Variants in MBD5 observed in about 807,000 individuals in gnomAD.
MBD5 encodes the protein methyl-CpG binding domain protein 5.
Under a neutral mutation model 117.3 loss-of-function variants are expected in MBD5, and 13 were observed. The ratio of observed to expected loss-of-function variants is 0.11; its 90% confidence interval spans 0.07 to 0.18. MBD5 has a LOEUF of 0.18. MBD5 is among the 10% of genes least tolerant of loss of function. MBD5 has a pLI of 1.00. For missense variants in MBD5, 1,879 were observed against 2,093.8 expected (o/e 0.90, Z 2.00); for synonymous variants, 727 against 766.4 (o/e 0.95, Z 0.85).
chr2:148,386,499 A>T (rs576400215), intron 4 of MBD5, among the ~76,000 whole-genome samples: 2 of 151,942 alleles, frequency 1.3e-5, no homozygotes, highest in African/African-American at 4.8e-5. Context: ...CGGGCGGATC[A>T]CGAGGTCAGG....
chr2:148,422,947 C>A (rs886403223), intron 4 of MBD5, among the ~76,000 whole-genome samples: 1 of 152,144 alleles, frequency 6.6e-6, no homozygotes, highest in African/African-American at 2.4e-5. Context: ...GACCAAATCT[C>A]TGCTTGATTA....
chr2:148,064,143 T>TTTTTTA (rs1240615374), intron 1 of MBD5, among the ~76,000 whole-genome samples: 1 of 145,846 alleles, frequency 6.9e-6, no homozygotes, highest in African/African-American at 2.5e-5. Context: ...TTTTTTTTTT[T>TTTTTTA]GAGACAGAGC....
rs992673818 is a variant in MBD5, at chr2:148,021,676, G to A, written c.-933G>A. On this transcript the variant is annotated 5_prime_UTR_variant, in exon 1 of 14. Coordinates refer to ENST00000642680, the MANE Select transcript of MBD5 (RefSeq NM_001378120.1). ...CAGGGAAGGCACTCAAAAGTGGGGG[G>A]CAGGAAAGGTAAGTGTGTCTGTGGG... 51 of 384,090 alleles carry A rather than the reference G, an allele frequency of 1.3e-4. No individual in the cohort carries two copies. The highest frequency in any genetic ancestry group is 1.0e-3 in the African/African-American group (48 of 47,618). The allele number at this position is 384,090 out of a possible 1,614,324, so 23.8% of individuals were successfully genotyped here. A position where few individuals can be genotyped will look rare whatever the true frequency, so the allele number is the denominator to read the frequency against.
At position 148,149,758 on chromosome 2, in the gene MBD5, A is replaced by T. The variant is rs956462600; in HGVS notation, c.-924-28942A>T. 1.3e-3 allele frequency among the ~76,000 whole-genome samples: 192 copies of T among 152,158 alleles called. 1 individual carries two copies. Among genetic ancestry groups the T allele is most frequent in the South Asian group, 8.7e-3 (42 of 4,814 alleles). The stretch of plus-strand genomic sequence containing the variant: ...GTCTTCTTTTGAGAAGTGTCTGTTC[A>T]TGTCCTTCACCCACTTTTTGATGGG... On this transcript the variant is annotated intron_variant, in intron 1 of 13. Coordinates refer to ENST00000642680, the MANE Select transcript of MBD5 (RefSeq NM_001378120.1).
At chr2:148,270,331 C>G (rs1351486420) in intron 3 of MBD5, among the ~76,000 whole-genome samples, 1 of 151,762 alleles carries the variant, frequency 6.6e-6, no homozygotes, top group Non-Finnish European at 1.5e-5. Flanking sequence ...TTCTAGCCAT[C>G]CTTGTTCTCA....
intron 1 of MBD5, among the ~76,000 whole-genome samples, chr2:148,171,058 A>G (rs1698251275): frequency 6.6e-6 from 1 of 152,206 alleles, no homozygotes; most frequent in Admixed American, 6.5e-5. Context: ...CAAACATTTA[A>G]AGCAGAACTA....
intron 3 of MBD5, among the ~76,000 whole-genome samples, chr2:148,323,518 A>C (rs1211817335): frequency 1.3e-5 from 2 of 151,992 alleles, no homozygotes; most frequent in Non-Finnish European, 2.9e-5. Context: ...TTGTTTCCTG[A>C]CTTTTTAATG....
At chr2:148,201,213 A>T (rs1465280270) in intron 2 of MBD5, among the ~76,000 whole-genome samples, 1 of 152,186 alleles carries the variant, frequency 6.6e-6, no homozygotes, top group African/African-American at 2.4e-5. Context: ...GCAGGAGGAG[A>T]TGTGTGTGCC....
intron 3 of MBD5, among the ~76,000 whole-genome samples, chr2:148,240,352 C>T (rs1445846978): frequency 6.6e-6 from 1 of 151,700 alleles, no homozygotes; most frequent in Non-Finnish European, 1.5e-5. Flanking sequence ...ACCAACATGG[C>T]ACATGTATAC....
intron 1 of MBD5, among the ~76,000 whole-genome samples, chr2:148,116,283 G>C (rs1191435411): frequency 6.6e-6 from 1 of 151,848 alleles, no homozygotes; most frequent in Non-Finnish European, 1.5e-5. Context: ...AGTCACTACT[G>C]GTATTCATTG....
chr2:148,059,559 C>T (rs1446983708), intron 1 of MBD5, among the ~76,000 whole-genome samples: 1 of 151,888 alleles, frequency 6.6e-6, no homozygotes, highest in Admixed American at 6.6e-5. Flanking sequence ...TAAGAAATGT[C>T]GAAGGAGGCC....
At chr2:148,092,577 A>G (rs2105240786) in intron 1 of MBD5, among the ~76,000 whole-genome samples, 1 of 152,312 alleles carries the variant, frequency 6.6e-6, no homozygotes, top group East Asian at 1.9e-4. Flanking sequence ...TAAGTGAGTA[A>G]CATTGTGTGT....
Position 148,388,890 on chromosome 2 carries a change from G to A in MBD5, c.-557+46554G>A, listed in dbSNP as rs78031758. Among the ~76,000 whole-genome samples the A allele has an allele frequency of 7.9e-3, 1,202 of 152,028 alleles. 13 individuals are homozygous for A. The highest frequency in any genetic ancestry group is 0.027 in the African/African-American group (1,139 of 41,468). ...ATACATGTACAGATTTGTTCCATGAGTATGTAATGCTGGGGTTTGGCCTTC... is the reference window on the plus strand; with the variant it reads ...ATACATGTACAGATTTGTTCCATGAATATGTAATGCTGGGGTTTGGCCTTC... On this transcript the variant is annotated intron_variant, in intron 4 of 13. Transcript: ENST00000642680.
intron 4 of MBD5, among the ~76,000 whole-genome samples, chr2:148,454,873 T>A (rs2105509040): frequency 6.6e-6 from 1 of 151,706 alleles, no homozygotes; most frequent in East Asian, 1.9e-4. Context: ...ACATTTAGGA[T>A]TTTTTTGTTT....
chr2:148,108,346 A>G (rs988459478), intron 1 of MBD5, among the ~76,000 whole-genome samples: 1 of 152,062 alleles, frequency 6.6e-6, no homozygotes, highest in Non-Finnish European at 1.5e-5. Flanking sequence ...TACCTTTTTT[A>G]TAATTTTTGT....
At chr2:148,495,877 T>C (rs1223518152) in intron 11 of MBD5, among the ~76,000 whole-genome samples, 2 of 152,206 alleles carry the variant, frequency 1.3e-5, no homozygotes, top group Non-Finnish European at 2.9e-5. Context: ...CACACACACA[T>C]GTGTTTTGAC....
intron 4 of MBD5, among the ~76,000 whole-genome samples, chr2:148,426,296 A>C (rs899671666): frequency 1.3e-5 from 2 of 152,192 alleles, no homozygotes; most frequent in Non-Finnish European, 1.5e-5. Context: ...AATTGGAAAA[A>C]ACTACTTGAA....
At chr2:148,445,760 A>G (rs1206644096) in intron 4 of MBD5, among the ~76,000 whole-genome samples, 3 of 151,378 alleles carry the variant, frequency 2.0e-5, no homozygotes, top group South Asian at 2.1e-4. Context: ...CCAACAGTGT[A>G]AAAGTGTTCC....
At chr2:148,488,633 G>GT (rs1263294774) in intron 10 of MBD5, among the ~76,000 whole-genome samples, 1 of 123,680 alleles carries the variant, frequency 8.1e-6, no homozygotes, top group Non-Finnish European at 1.6e-5. Context: ...GTCTAGAGCA[G>GT]TAATTCTTAG....
Sources: allele counts gnomAD v4.1 joint callset (sites outside exome capture counted in the v4.1 genomes callset), GRCh38; gene constraint gnomAD v4.1.1; transcripts MANE v1.5; gene names NCBI Gene and HGNC (gene_info 2026-07-23, HGNC 2026-07-21).